The following PLA2G4C variants were observed in gnomAD, a reference collection of about 807,000 sequenced individuals.
The protein encoded by PLA2G4C is phospholipase A2 group IVC.
A neutral mutation model predicts 73.8 loss-of-function variants in PLA2G4C; 64 were observed. The ratio of observed to expected loss-of-function variants is 0.87; its 90% CI spans 0.71 to 1.07. The LOEUF is 1.07. PLA2G4C is among the 50% of genes least tolerant of loss of function. The probability of loss-of-function intolerance (pLI) is 0.00; values close to 1 mark genes in which losing one functional copy is unlikely to be tolerated. For synonymous variants in PLA2G4C, 254 were observed against 252.1 expected (o/e 1.01, Z -0.07); for missense variants, 622 against 665.4 (o/e 0.93, Z 0.72).
At chr19:48,101,432 G>A (rs1307460646) in intron 4 of PLA2G4C, among the ~76,000 whole-genome samples, 2 of 151,908 alleles carry the variant, frequency 1.3e-5, no homozygotes, top group African/African-American at 4.8e-5. Context: ...ACCGTGCCCG[G>A]GCTCAATAAA....
chr19:48,107,615 C>T (rs1230392549), intron 1 of PLA2G4C, among the ~76,000 whole-genome samples: 1 of 152,134 alleles, frequency 6.6e-6, no homozygotes, highest in Non-Finnish European at 1.5e-5. Flanking sequence ...GGGAGTCTCC[C>T]TTTCCCCGGG....
Position 48,074,878 on chromosome 19 carries a change from C to A in PLA2G4C, c.899-4G>T. ...TGTTCAGGCTCACCGCCTTCATCTA[C>A]GTCAAGAAATCCAGGTGGTCTCAGA... is the stretch of plus-strand genomic sequence containing the variant. On this transcript the variant is annotated splice_polypyrimidine_tract_variant and splice_region_variant and intron_variant, in intron 11 of 16. Transcript: ENST00000599921. 6.3e-7 allele frequency: 1 copy of A among 1,587,764 alleles called. No homozygotes were observed. Among genetic ancestry groups the A allele is most frequent in the Non-Finnish European group, 8.6e-7 (1 of 1,164,478 alleles).
intron 11 of PLA2G4C, 66 bp downstream of exon 11, chr19:48,077,705 G>A: frequency 1.7e-6 from 2 of 1,179,972 alleles, no homozygotes; most frequent in African/African-American, 1.6e-5. Context: ...TAGGACAATG[G>A]CTGGCTTCAA....
intron 12 of PLA2G4C, among the ~76,000 whole-genome samples, chr19:48,068,994 T>A (rs1968556385): frequency 6.9e-6 from 1 of 145,812 alleles, no homozygotes; most frequent in Non-Finnish European, 1.5e-5. Flanking sequence ...GTGGGTCACT[T>A]GAGGTCAGGG....
chr19:48,081,073 G>A (rs1373895347), intron 10 of PLA2G4C, among the ~76,000 whole-genome samples: 2 of 151,550 alleles, frequency 1.3e-5, no homozygotes, highest in Non-Finnish European at 2.9e-5. Flanking sequence ...GCTGGGCCAG[G>A]AGAATGGCGT....
At chr19:48,108,656 C>CAGT (rs1473953626) in intron 1 of PLA2G4C, 1 of 152,286 alleles carries the variant, frequency 6.6e-6, no homozygotes, top group East Asian at 1.9e-4. Flanking sequence ...AGGCCAGGCA[C>CAGT]AGTGGCTCAT....
chr19:48,069,215 T>G (rs917150581), intron 12 of PLA2G4C, among the ~76,000 whole-genome samples: 4 of 151,898 alleles, frequency 2.6e-5, no homozygotes, highest in Non-Finnish European at 2.9e-5. Flanking sequence ...GAGCCACAGG[T>G]GAGATGACTT....
At chr19:48,100,025 G>C in intron 4 of PLA2G4C, 165 bp from the exon 5 acceptor site, 1 of 511,750 alleles carries the variant, frequency 2.0e-6, no homozygotes. Context: ...ACTGCAGAAC[G>C]ATCAAGTTCG....
chr19:48,050,673 C>CTTTTTGTTTTTT (rs1967690853), intron 16 of PLA2G4C, among the ~76,000 whole-genome samples: 1 of 78,746 alleles, frequency 1.3e-5, no homozygotes, highest in Non-Finnish European at 2.4e-5. Context: ...GAGTATGTGA[C>CTTTTTGTTTTTT]TTTTTTTTTT....
At chr19:48,084,891 C>G (rs431234) in intron 10 of PLA2G4C, among the ~76,000 whole-genome samples, 168 bp downstream of exon 10, 46,021 of 152,058 alleles carry the variant, frequency 0.3, 7,377 homozygotes, top group East Asian at 0.54. Flanking sequence ...TGTGGTCTTC[C>G]TGGCTGCCCA....
intron 16 of PLA2G4C, among the ~76,000 whole-genome samples, chr19:48,051,171 C>A (rs1240244834): frequency 6.6e-6 from 1 of 152,114 alleles, no homozygotes; most frequent in African/African-American, 2.4e-5. Context: ...GGGCCATGAG[C>A]CAAGGAATGC....
Position 48,086,407 on chromosome 19 carries a change from C to A in PLA2G4C, c.791-1295G>T, listed in dbSNP as rs573916360. Among the ~76,000 whole-genome samples the A allele has an allele frequency of 7.9e-5, 12 of 152,270 alleles. No homozygotes were observed. In the South Asian group the frequency reaches 2.1e-3, roughly 26 times the overall value. On this transcript the variant is annotated intron_variant, in intron 9 of 16. Coordinates refer to ENST00000599921, the MANE Select transcript of PLA2G4C (RefSeq NM_003706.3). ...GCAGAAACATTCCTCTCTGGATTATCAGCACATGGGTCTGAAAACCACCCC... is the reference window on the plus strand; with the variant it reads ...GCAGAAACATTCCTCTCTGGATTATAAGCACATGGGTCTGAAAACCACCCC...
Position 48,072,477 on chromosome 19 carries a change from G to C in PLA2G4C, c.1006+2290C>G, listed in dbSNP as rs2122540277. 1 of 152,290 alleles carries C rather than the reference G, an allele frequency of 6.6e-6. No individual in the cohort carries two copies. Among genetic ancestry groups the C allele is most frequent in the Admixed American group, 6.5e-5 (1 of 15,294 alleles). 9.4% of individuals were successfully genotyped at this position (152,290 alleles called of 1,614,324 possible). A position where few individuals can be genotyped will look rare whatever the true frequency, so the allele number is the denominator to read the frequency against. On this transcript the variant is annotated intron_variant, in intron 12 of 16. Coordinates refer to ENST00000599921, the MANE Select transcript of PLA2G4C (RefSeq NM_003706.3). This position sits in a 1 kb window ranked among gnomAD's most constrained non-coding sequence, Gnocchi z 4.4. ...GTAAACCCAAGCCTCTCATCTGCCA[G>C]ACTGAAGTCAGTAGATGAACTCTGG...
intron 13 of PLA2G4C, among the ~76,000 whole-genome samples, chr19:48,067,409 C>T (rs1821354577): frequency 6.6e-6 from 1 of 152,100 alleles, no homozygotes; most frequent in East Asian, 1.9e-4. Context: ...CTCAAGTGAT[C>T]CGCCCGCCTC....
chr19:48,090,572 T>C (rs1441688140), intron 7 of PLA2G4C, 155 bp from the exon 8 acceptor site: 3 of 647,330 alleles, frequency 4.6e-6, no homozygotes, highest in East Asian at 2.7e-5. Flanking sequence ...ATGAAGCAAT[T>C]AGTGGGCACC....
chr19:48,083,564 CAG>C, intron 10 of PLA2G4C, among the ~76,000 whole-genome samples: 1 of 150,786 alleles, frequency 6.6e-6, no homozygotes, highest in Admixed American at 6.6e-5. Context: ...TCTCCTGCCT[CAG>C]CTTCCCGTGT....
chr19:48,066,431 G>A (rs561561301), intron 13 of PLA2G4C, among the ~76,000 whole-genome samples: 1 of 152,192 alleles, frequency 6.6e-6, no homozygotes, highest in South Asian at 2.1e-4. Flanking sequence ...CATAAGACCC[G>A]GCAGCTGCAT....
At chr19:48,057,585 A>G (rs11879871) in intron 14 of PLA2G4C, among the ~76,000 whole-genome samples, 129,709 of 140,612 alleles carry the variant, frequency 0.92, 59,871 homozygotes, top group Middle Eastern at 0.95. Flanking sequence ...CGCCTCCCAG[A>G]TTCAAGCGAT....
At chr19:48,088,665 A>G (rs758246654) in intron 9 of PLA2G4C, 21 bp downstream of exon 9, 1 of 1,576,430 alleles carries the variant, frequency 6.3e-7, no homozygotes, top group Non-Finnish European at 8.7e-7. Flanking sequence ...TCAGGGATTC[A>G]TGATGAAGTA....
Sources: allele counts gnomAD v4.1 joint callset (sites outside exome capture counted in the v4.1 genomes callset), GRCh38; gene constraint gnomAD v4.1.1; non-coding constraint Gnocchi (gnomAD v3.1); transcripts MANE v1.5; gene names NCBI Gene and HGNC (gene_info 2026-07-23, HGNC 2026-07-21).